Variants in C2orf92 observed in about 807,000 individuals in gnomAD.
The protein encoded by C2orf92 is chromosome 2 open reading frame 92.
intron 3 of C2orf92, among the ~76,000 whole-genome samples, chr2:97,681,819 C>T (rs188153253): frequency 1.3e-4 from 19 of 151,776 alleles, no homozygotes; most frequent in Admixed American, 1.2e-3. Flanking sequence ...GATGGTGCCA[C>T]TGCACTCCAG....
chr2:97,674,545 G>A lies in C2orf92; in HGVS notation c.136G>A (p.Asp46Asn). The A allele has an allele frequency of 2.5e-6, 1 of 398,580 alleles. No individual in the cohort carries two copies. Among genetic ancestry groups the A allele is most frequent in the Non-Finnish European group, 4.4e-6 (1 of 226,066 alleles). The allele number at this position is 398,580 out of a possible 1,614,324, so 24.7% of individuals were successfully genotyped here. Residue 46 changes from aspartate (D) to asparagine (N), a missense_variant, in exon 2 of 8, where the codon GAC becomes AAC. Transcript: ENST00000627399. The stretch of plus-strand genomic sequence containing the variant: ...AGCAGTCAGATCCATTACAAAGAGA[G>A]ACACACAAAAAAGCAAGTATATGTC... ...RTAVRSITKR[D>N]TQKSYSQQKS...
chr2:97,701,159 C>A lies in C2orf92; in HGVS notation c.520C>A (p.His174Asn). 1 of 399,024 alleles carries A rather than the reference C, an allele frequency of 2.5e-6. No individual in the cohort carries two copies. The highest frequency in any genetic ancestry group is 1.3e-4 in the South Asian group (1 of 7,838). The allele number at this position is 399,024 out of a possible 1,614,324, so 24.7% of individuals were successfully genotyped here. ...CGCTGTGTCTTCTCATTTAGATGCT[C>A]ACTTTAGGACTATGCCCTGCGGGCA... Reference protein sequence around the residue: ...TLQGAAKPDAHFRTMPCGQLL... With the variant: ...TLQGAAKPDANFRTMPCGQLL... Residue 174 changes from histidine to asparagine, a missense_variant, in exon 7 of 8, where the codon CAC becomes AAC. Transcript: ENST00000627399.
At chr2:97,693,938 A>G (rs975226141) in intron 5 of C2orf92, among the ~76,000 whole-genome samples, 1 of 152,218 alleles carries the variant, frequency 6.6e-6, no homozygotes, top group Non-Finnish European at 1.5e-5. Context: ...CATCTTAACC[A>G]TTTTTAAGGG....
intron 3 of C2orf92, among the ~76,000 whole-genome samples, chr2:97,685,641 C>A (rs970229141): frequency 1.3e-5 from 2 of 152,006 alleles, no homozygotes; most frequent in Admixed American, 6.6e-5. Flanking sequence ...CGGATCACTG[C>A]AACCTCCACC....
chr2:97,695,507 A>G (rs1268912635), intron 5 of C2orf92, among the ~76,000 whole-genome samples: 1 of 152,196 alleles, frequency 6.6e-6, no homozygotes, highest in Non-Finnish European at 1.5e-5. Context: ...TGAATAATGT[A>G]TCTTCACCCT....
intron 1 of C2orf92, among the ~76,000 whole-genome samples, chr2:97,673,157 T>G (rs1448384828): frequency 6.6e-6 from 1 of 152,208 alleles, no homozygotes; most frequent in Non-Finnish European, 1.5e-5. Flanking sequence ...AATTTTCATA[T>G]AGAACATTTT....
intron 5 of C2orf92, chr2:97,694,450 T>TG (rs1676244206): frequency 6.8e-6 from 1 of 146,932 alleles, no homozygotes; most frequent in Non-Finnish European, 1.5e-5. Context: ...TTAATAGAGA[T>TG]GGGGTTTCAC....
At chr2:97,694,302 C>T (rs113723352) in intron 5 of C2orf92, 20,236 of 150,070 alleles carry the variant, frequency 0.13, 2,212 homozygotes, top group African/African-American at 0.3. Flanking sequence ...TGCAGTGGCG[C>T]GATCTTGGCT....
chr2:97,665,336 A>C (rs1675170906), upstream of C2orf92, among the ~76,000 whole-genome samples: 1 of 152,172 alleles, frequency 6.6e-6, no homozygotes, highest in Admixed American at 6.5e-5. Context: ...ATGTGGACAC[A>C]CTTGCATAAC....
intron 5 of C2orf92, among the ~76,000 whole-genome samples, chr2:97,692,216 G>T (rs1308137356): frequency 6.6e-6 from 1 of 151,954 alleles, no homozygotes; most frequent in Non-Finnish European, 1.5e-5. Flanking sequence ...ATTTTTACAT[G>T]TATCTTCTTA....
chr2:97,665,717 CTCTCTCTCTCTCTCTCTCTCTATA>C (rs1228312120), upstream of C2orf92: 19 of 48,410 alleles, frequency 3.9e-4, no homozygotes, highest in African/African-American at 1.3e-3. Context: ...CTCTCTCTCT[CTCTCTCTCTCTCTCTCTCTCTATA>C]TATATATATA....
At chr2:97,669,329 A>G (rs1199208557), upstream of C2orf92, 1 of 152,196 alleles carries the variant, frequency 6.6e-6, no homozygotes, top group African/African-American at 2.4e-5. Flanking sequence ...GGAACTCCTG[A>G]CCTCAGGTGA....
intron 3 of C2orf92, among the ~76,000 whole-genome samples, chr2:97,680,210 A>G (rs905865277): frequency 1.1e-4 from 16 of 152,196 alleles, no homozygotes. Context: ...GAGGCAGGAG[A>G]ATCACTTGAA....
rs1284968112 is a variant in C2orf92, at chr2:97,674,518, A to G, written c.109A>G (p.Thr37Ala). ...PYDPSFDETR[T>A]AVRSITKRDT... is the part of the protein sequence containing the mutation. ...TGACCCATCATTTGATGAAACAAGA[A>G]CAGCAGTCAGATCCATTACAAAGAG... Residue 37 changes from threonine (T) to alanine (A), a missense_variant, in exon 2 of 8, where the codon ACA (threonine) becomes GCA (alanine). Coordinates refer to ENST00000627399, the MANE Select transcript of C2orf92 (RefSeq NM_001351368.2). 1 of 398,554 alleles carries G rather than the reference A, an allele frequency of 2.5e-6. No individual in the cohort carries two copies. Among genetic ancestry groups the G allele is most frequent in the Non-Finnish European group, 4.4e-6 (1 of 226,090 alleles). The allele number at this position is 398,554 out of a possible 1,614,324, so 24.7% of individuals were successfully genotyped here.
At chr2:97,696,347 A>G (rs1380320129) in intron 5 of C2orf92, among the ~76,000 whole-genome samples, 1 of 152,006 alleles carries the variant, frequency 6.6e-6, no homozygotes, top group Non-Finnish European at 1.5e-5. Flanking sequence ...CCATCTTCAG[A>G]GGGTGGGAGC....
intron 3 of C2orf92, among the ~76,000 whole-genome samples, chr2:97,676,211 A>G (rs1675571750): frequency 6.6e-6 from 1 of 152,086 alleles, no homozygotes; most frequent in African/African-American, 2.4e-5. Flanking sequence ...ACTGTTTAAA[A>G]GAGACACCCC....
At chr2:97,667,291 C>G (rs1341291625), upstream of C2orf92, among the ~76,000 whole-genome samples, 1 of 128,902 alleles carries the variant, frequency 7.8e-6, no homozygotes. Context: ...TTGAGACAAT[C>G]TTTCTCTGTT....
intron 1 of C2orf92, 110 bp downstream of exon 1, chr2:97,669,944 T>A: frequency 2.5e-6 from 1 of 397,560 alleles, no homozygotes; most frequent in Non-Finnish European, 4.4e-6. Flanking sequence ...CTTTACCTAC[T>A]CTACCTTCTA....
chr2:97,689,358 T>C (rs1676058034), intron 4 of C2orf92, among the ~76,000 whole-genome samples: 2 of 152,172 alleles, frequency 1.3e-5, no homozygotes, highest in Non-Finnish European at 1.5e-5. Flanking sequence ...ACACGAATCC[T>C]TCTAAGTGCA....
Sources: gnomAD v4.1 joint callset for allele counts (sites outside exome capture counted in the v4.1 genomes callset) on GRCh38, gnomAD v4.1.1 for gene constraint, MANE v1.5 for transcripts, NCBI Gene and HGNC (gene_info 2026-07-23, HGNC 2026-07-21) for gene names.